The following VAV2 variants were observed in gnomAD, a reference collection of about 807,000 sequenced individuals.
VAV2 encodes vav guanine nucleotide exchange factor 2, also known as guanine nucleotide exchange factor VAV2.
Under a neutral mutation model 132.5 loss-of-function variants are expected in VAV2, and 67 were observed. The observed-to-expected ratio is 0.51, with a 90% CI of 0.42 to 0.62. The LOEUF is 0.62. Ranked by LOEUF, VAV2 falls within the 20% of genes least tolerant of loss-of-function variation. The pLI is 0.00. For synonymous variants in VAV2, 492 were observed against 443.5 expected (o/e 1.11, Z -1.37); for missense variants, 938 against 1,153.6 (o/e 0.81, Z 2.71).
chr9:133,947,589 C>T (rs1315779434), intron 1 of VAV2, among the ~76,000 whole-genome samples: 1 of 151,760 alleles, frequency 6.6e-6, no homozygotes, highest in Non-Finnish European at 1.5e-5. Flanking sequence ...ATCCCAGCTA[C>T]TCAGGAGGCT....
Position 133,918,835 on chromosome 9 carries a change from G to C in VAV2, c.321+20268C>G, listed in dbSNP as rs1329413209. Among the ~76,000 whole-genome samples the C allele has an allele frequency of 6.6e-6, 1 of 152,074 alleles. No homozygotes were observed. Among genetic ancestry groups the C allele is most frequent in the African/African-American group, 2.4e-5 (1 of 41,400 alleles). ...CTGTCGCCCAGGCTGAAGTGCAGTG[G>C]TGCGATCTCGGCTCACTGCAACCTC... On this transcript the variant is annotated intron_variant, in intron 2 of 29. Coordinates refer to ENST00000371850, the MANE Select transcript of VAV2 (RefSeq NM_001134398.2). The surrounding 1 kb of genome is among the most constrained non-coding windows in gnomAD (Gnocchi z 4.7).
chr9:133,917,088 TTTGCACA>T lies in VAV2; in HGVS notation c.321+22008_321+22014del, dbSNP rs894483046. Among the ~76,000 whole-genome samples the T allele has an allele frequency of 5.9e-5, 9 of 152,264 alleles. No individual in the cohort carries two copies. The East Asian group carries it at 1.7e-3, about 29-fold the overall frequency. On this transcript the variant is annotated intron_variant, in intron 2 of 29. Transcript: ENST00000371850. The stretch of plus-strand genomic sequence containing the variant: ...TTCCTCTTTCTCTACTGCAAATCTC[TTTGCACA>T]AAAGCCCACCCAGCAGGCCCCAGAC...
In VAV2 at chr9:133,861,391, C is replaced by T. The variant is rs145591299; in HGVS notation, c.363G>A (p.Ala121=). The part of the protein sequence containing the change: ...AVSRLSLHSI[A]QNKGIRPFPS... ...GAGCTCACCTGATCCCTTTGTTCTG[C>T]GCGATGCTGTGCAGGGAGAGCCTCG... Residue 121 remains alanine (A), a synonymous_variant, in exon 3 of 30, where the codon GCG becomes GCA. Transcript: ENST00000371850. 6.4e-4 allele frequency: 1,028 copies of T among 1,613,374 alleles called. 11 individuals carry two copies. The highest frequency in any genetic ancestry group is 2.1e-3 in the Middle Eastern group (13 of 6,062).
intron 1 of VAV2, among the ~76,000 whole-genome samples, chr9:133,950,130 C>A (rs971717810): frequency 5.3e-5 from 8 of 152,202 alleles, no homozygotes; most frequent in Admixed American, 3.3e-4. Context: ...AAAAGAGAGA[C>A]ACTCTGGCTG....
chr9:133,775,109 G>A (rs1472437572), intron 24 of VAV2, 58 bp from the exon 25 acceptor site: 5 of 1,443,042 alleles, frequency 3.5e-6, no homozygotes, highest in Non-Finnish European at 4.7e-6. Flanking sequence ...TCTGAGGGGT[G>A]CCCAGCCCTC....
At chr9:133,955,973 G>A (rs950542622) in intron 1 of VAV2, among the ~76,000 whole-genome samples, 5 of 150,786 alleles carry the variant, frequency 3.3e-5, no homozygotes, top group East Asian at 2.0e-4. Flanking sequence ...GCTCTCAGAC[G>A]GGCAGCCAGC....
chr9:133,816,693 A>G (rs1835572307), intron 4 of VAV2, among the ~76,000 whole-genome samples: 1 of 152,216 alleles, frequency 6.6e-6, no homozygotes, highest in Non-Finnish European at 1.5e-5. Context: ...TGATCGTGCC[A>G]CTGCACTCCA....
intron 4 of VAV2, among the ~76,000 whole-genome samples, chr9:133,816,810 G>A (rs1212067816): frequency 6.6e-6 from 1 of 152,192 alleles, no homozygotes; most frequent in Non-Finnish European, 1.5e-5. Context: ...GACCAAATAA[G>A]GGTGAGTCTA....
intron 2 of VAV2, among the ~76,000 whole-genome samples, chr9:133,902,835 G>A (rs111852977): frequency 3.3e-5 from 5 of 152,274 alleles, no homozygotes; most frequent in African/African-American, 9.6e-5. Flanking sequence ...ACTTTGGGAG[G>A]CCAAGACAGG....
intron 25 of VAV2, among the ~76,000 whole-genome samples, chr9:133,774,338 G>A (rs76203826): frequency 6.6e-6 from 1 of 152,200 alleles, no homozygotes; most frequent in East Asian, 1.9e-4. Flanking sequence ...CACACAGAAG[G>A]CTTTCTGAGA....
chr9:133,909,661 C>T (rs34638817), intron 2 of VAV2, among the ~76,000 whole-genome samples: 115,823 of 151,890 alleles, frequency 0.76, 45,022 homozygotes, highest in East Asian at 0.99. Context: ...CTAGATGGTC[C>T]GACTGGGCAA....
chr9:133,827,077 T>G (rs1836019465), intron 4 of VAV2, among the ~76,000 whole-genome samples: 1 of 152,172 alleles, frequency 6.6e-6, no homozygotes, highest in Non-Finnish European at 1.5e-5. Context: ...CTGGCTGCAG[T>G]GCCAGGAGGG....
intron 3 of VAV2, among the ~76,000 whole-genome samples, chr9:133,836,382 T>C (rs1216041432): frequency 1.3e-5 from 2 of 152,246 alleles, no homozygotes; most frequent in Non-Finnish European, 2.9e-5. Context: ...CTCGCTTACA[T>C]GCAGCCATCC....
In VAV2 at chr9:133,871,224, G is replaced by A. The variant is rs576605739; in HGVS notation, c.322-9792C>T. 2.5e-3 allele frequency among the ~76,000 whole-genome samples: 374 copies of A among 147,342 alleles called. 1 individual carries two copies. Among genetic ancestry groups the A allele is most frequent in the Non-Finnish European group, 3.7e-3 (250 of 66,908 alleles). ...GCTGGCTGGATGGATAAGTGGGTAC[G>A]TAGGTGGGTGGGCAGATGGATGGAT... is the stretch of plus-strand genomic sequence containing the variant. On this transcript the variant is annotated intron_variant, in intron 2 of 29. Transcript: ENST00000371850.
At chr9:133,927,472 C>T (rs936828989) in intron 2 of VAV2, among the ~76,000 whole-genome samples, 2 of 152,184 alleles carry the variant, frequency 1.3e-5, no homozygotes, top group South Asian at 4.1e-4. Flanking sequence ...ACGGGGCAGT[C>T]TTTTCAACAA....
At chr9:133,954,013 CAT>C (rs1217828569) in intron 1 of VAV2, among the ~76,000 whole-genome samples, 33 of 139,998 alleles carry the variant, frequency 2.4e-4, no homozygotes, top group African/African-American at 8.8e-4. Context: ...ACCCACTGCA[CAT>C]GTGTGACATT....
intron 3 of VAV2, among the ~76,000 whole-genome samples, chr9:133,850,900 T>C (rs1467839300): frequency 6.6e-6 from 1 of 152,244 alleles, no homozygotes; most frequent in Admixed American, 6.5e-5. Flanking sequence ...ACCACCCTGC[T>C]GTCGACTGGC....
intron 1 of VAV2, among the ~76,000 whole-genome samples, chr9:133,942,209 C>G (rs893768333): frequency 1.3e-5 from 2 of 152,202 alleles, no homozygotes; most frequent in African/African-American, 4.8e-5. Flanking sequence ...CACAGACCCA[C>G]GAGGAGTGCA....
chr9:133,801,175 G>A (rs879755289), intron 9 of VAV2, among the ~76,000 whole-genome samples: 1 of 152,224 alleles, frequency 6.6e-6, no homozygotes, highest in Admixed American at 6.5e-5. Flanking sequence ...CATTTGATAA[G>A]AGGATGCAGG....
Sources: allele counts gnomAD v4.1 joint callset (sites outside exome capture counted in the v4.1 genomes callset), GRCh38; gene constraint gnomAD v4.1.1; non-coding constraint Gnocchi (gnomAD v3.1); transcripts MANE v1.5; gene names NCBI Gene and HGNC (gene_info 2026-07-23, HGNC 2026-07-21).